TCEA1: variants seen among roughly 807,000 people sequenced by gnomAD.
TCEA1 encodes the protein transcription elongation factor A1, also known as transcription elongation factor A protein 1.
In TCEA1, 21 loss-of-function variants were observed where a neutral mutation model predicts 43.8. The observed-to-expected ratio is 0.48, with a 90% CI of 0.34 to 0.69. TCEA1 has a LOEUF of 0.69. Among genes scored for constraint, TCEA1 ranks in the 30% least tolerant of loss-of-function variants. The probability of loss-of-function intolerance (pLI) is 0.01; values close to 1 mark genes in which losing one functional copy is unlikely to be tolerated. For synonymous variants in TCEA1, 104 were observed against 117.5 expected, an observed-to-expected ratio of 0.88 and a Z score of 0.75; for missense variants, 250 against 365.1, an observed-to-expected ratio of 0.68 and a Z score of 2.57.
chr8:53,991,349 T>G (rs1803871414), intron 4 of TCEA1, among the ~76,000 whole-genome samples: 1 of 151,522 alleles, frequency 6.6e-6, no homozygotes, highest in African/African-American at 2.4e-5. Flanking sequence ...GGCAAGATTG[T>G]GCCACTGCAT....
At chr8:53,990,811 A>G (rs1466740482) in intron 4 of TCEA1, among the ~76,000 whole-genome samples, 1 of 152,202 alleles carries the variant, frequency 6.6e-6, no homozygotes, top group Non-Finnish European at 1.5e-5. Flanking sequence ...CACTTCCTAC[A>G]TTCTGATCCT....
chr8:54,011,975 A>T (rs1229093570), intron 1 of TCEA1, among the ~76,000 whole-genome samples: 1 of 152,222 alleles, frequency 6.6e-6, no homozygotes, highest in Non-Finnish European at 1.5e-5. Flanking sequence ...AAAATTCTAT[A>T]AATTCTTCCT....
intron 4 of TCEA1, among the ~76,000 whole-genome samples, chr8:53,989,581 G>C (rs547744468): frequency 3.0e-4 from 46 of 152,158 alleles, no homozygotes; most frequent in African/African-American, 1.0e-3. Flanking sequence ...CCAAAATATT[G>C]ATTCACACAG....
Position 53,966,872 on chromosome 8 carries a change from A to T in TCEA1, c.*1232T>A. On this transcript the variant is annotated 3_prime_UTR_variant, in exon 10 of 10. Coordinates refer to ENST00000521604, the MANE Select transcript of TCEA1 (RefSeq NM_006756.4). ...CGGGTGCCTGACAGAATGCAGATTC[A>T]GCATAAAATGTAGACTTTGCAACAG... 4.9e-6 allele frequency: 1 copy of T among 204,216 alleles called. No individual in the cohort carries two copies. The highest frequency in any genetic ancestry group is 1.0e-5 in the Non-Finnish European group (1 of 99,916). The allele number at this position is 204,216 out of a possible 1,614,324, so 12.7% of individuals were successfully genotyped here.
chr8:53,973,642 A>G (rs1035025551), intron 8 of TCEA1: 1 of 567,856 alleles, frequency 1.8e-6, no homozygotes, highest in African/African-American at 1.9e-5. Flanking sequence ...GTGGAGCACC[A>G]GAACCTGAGC....
At chr8:54,009,279 G>C (rs1397663965) in intron 2 of TCEA1, among the ~76,000 whole-genome samples, 1 of 151,958 alleles carries the variant, frequency 6.6e-6, no homozygotes, top group Non-Finnish European at 1.5e-5. Flanking sequence ...GATTTCTCAA[G>C]AACTAAAAAT....
chr8:54,001,405 A>T (rs1310400470), intron 2 of TCEA1, among the ~76,000 whole-genome samples: 1 of 152,196 alleles, frequency 6.6e-6, no homozygotes, highest in Non-Finnish European at 1.5e-5. Context: ...TTATTCAAGA[A>T]TTTAGAATAT....
At chr8:53,983,057 C>T (rs552233366) in intron 7 of TCEA1, among the ~76,000 whole-genome samples, 1 of 152,328 alleles carries the variant, frequency 6.6e-6, no homozygotes, top group Admixed American at 6.5e-5. Context: ...TCAATAACCA[C>T]TACCCTAATC....
chr8:54,016,978 CAAAA>C (rs1159105172), intron 1 of TCEA1, among the ~76,000 whole-genome samples: 24 of 67,414 alleles, frequency 3.6e-4, no homozygotes, highest in Admixed American at 6.5e-4. Flanking sequence ...GACTCCGTCT[CAAAA>C]AAAAAAAAAA....
chr8:53,975,696 G>A (rs1469287871), intron 8 of TCEA1, among the ~76,000 whole-genome samples: 1 of 152,190 alleles, frequency 6.6e-6, no homozygotes, highest in East Asian at 1.9e-4. Flanking sequence ...GTCAAATTCT[G>A]AGAGTCAGAG....
At chr8:54,004,479 G>C (rs1468805243) in intron 2 of TCEA1, among the ~76,000 whole-genome samples, 1 of 152,114 alleles carries the variant, frequency 6.6e-6, no homozygotes, top group Non-Finnish European at 1.5e-5. Context: ...ACTGCAACAT[G>C]GATGAATCCT....
chr8:54,022,171 G>C lies in TCEA1; in HGVS notation c.-46C>G, dbSNP rs983454211. 1.3e-6 allele frequency: 2 copies of C among 1,588,880 alleles called. No individual in the cohort carries two copies. The highest frequency in any genetic ancestry group is 2.7e-5 in the African/African-American group (2 of 73,244). ...GCGCCCACCCCGCTGGCAAGGGGAA[G>C]TGGGCGAAGCTGGAGCGGAAGACAC... On this transcript the variant is annotated 5_prime_UTR_variant, in exon 1 of 10. Coordinates refer to ENST00000521604, the MANE Select transcript of TCEA1 (RefSeq NM_006756.4).
At chr8:54,002,851 AT>A (rs772942200) in intron 2 of TCEA1, 41 of 454,540 alleles carry the variant, frequency 9.0e-5, no homozygotes, top group Non-Finnish European at 1.6e-4. Context: ...TTTGCCTATG[AT>A]TTCTATAGAA....
chr8:53,988,612 A>G (rs1385487342), intron 4 of TCEA1, among the ~76,000 whole-genome samples: 3 of 152,186 alleles, frequency 2.0e-5, no homozygotes, highest in Non-Finnish European at 4.4e-5. Context: ...GGATGGGACC[A>G]GAGAATGACA....
At position 54,022,271 on chromosome 8, in the gene TCEA1, A is replaced by T; in HGVS notation, c.-146T>A. On this transcript the variant is annotated 5_prime_UTR_variant, in exon 1 of 10. Transcript: ENST00000521604. The stretch of plus-strand genomic sequence containing the variant: ...GCCTAGGCCCCCTTCCTTACGAACG[A>T]AGCCCGCGGCGGCGGCGGCGGCGGC... The T allele has an allele frequency of 5.7e-6, 6 of 1,044,540 alleles. No individual in the cohort carries two copies. Among genetic ancestry groups the T allele is most frequent in the Non-Finnish European group, 8.4e-6 (6 of 712,044 alleles). The allele number at this position is 1,044,540 out of a possible 1,614,324, so 64.7% of individuals were successfully genotyped here. A position where few individuals can be genotyped will look rare whatever the true frequency, so the allele number is the denominator to read the frequency against.
Position 53,970,368 on chromosome 8 carries a change from A to G in TCEA1, c.897+24T>C, listed in dbSNP as rs750053899. On this transcript the variant is annotated intron_variant, in intron 9 of 9. Coordinates refer to ENST00000521604, the MANE Select transcript of TCEA1 (RefSeq NM_006756.4). ...TCTTTCTATTTTAAGTGAGTATATA[A>G]TATGAATCCAAGAGAGTCCATACCT... 5 of 1,498,600 alleles carry G rather than the reference A, an allele frequency of 3.3e-6. No homozygotes were observed. In the Admixed American group the frequency reaches 8.5e-5, roughly 26 times the overall value. 92.8% of individuals were successfully genotyped at this position (1,498,600 alleles called of 1,614,324 possible). A position where few individuals can be genotyped will look rare whatever the true frequency, so the allele number is the denominator to read the frequency against.
intron 4 of TCEA1, 111 bp from the exon 5 acceptor site, chr8:53,988,370 T>C: frequency 7.7e-7 from 1 of 1,305,400 alleles, no homozygotes; most frequent in Non-Finnish European, 1.0e-6. Context: ...AATGACACAG[T>C]ATCTCAGTGA....
intron 9 of TCEA1, among the ~76,000 whole-genome samples, chr8:53,969,018 G>A (rs188136686): frequency 2.0e-5 from 3 of 152,212 alleles, no homozygotes; most frequent in Admixed American, 6.5e-5. Flanking sequence ...GGCCGGCCAC[G>A]GTGGCTCACG....
intron 1 of TCEA1, among the ~76,000 whole-genome samples, chr8:54,020,827 A>C (rs1216954973): frequency 6.6e-6 from 1 of 152,232 alleles, no homozygotes; most frequent in Non-Finnish European, 1.5e-5. Context: ...AAATTATTTC[A>C]GGTACACTGA....
Sources: gnomAD v4.1 joint callset for allele counts (sites outside exome capture counted in the v4.1 genomes callset) on GRCh38, gnomAD v4.1.1 for gene constraint, MANE v1.5 for transcripts, NCBI Gene and HGNC (gene_info 2026-07-23, HGNC 2026-07-21) for gene names.